HERC1: variants seen among roughly 807,000 people sequenced by gnomAD.
The protein encoded by HERC1 is HECT and RLD domain containing E3 ubiquitin protein ligase family member 1.
Under a neutral mutation model 554.3 loss-of-function variants are expected in HERC1, and 160 were observed. The observed-to-expected ratio is 0.29, with a 90% confidence interval of 0.25 to 0.33. The LOEUF (loss-of-function observed/expected upper bound fraction) is 0.33. Ranked by LOEUF, HERC1 falls within the 10% of genes least tolerant of loss-of-function variation. The probability of loss-of-function intolerance (pLI) is 1.00; values close to 1 mark genes in which losing one functional copy is unlikely to be tolerated. For synonymous variants in HERC1, 2,175 were observed against 2,131.7 expected, an observed-to-expected ratio of 1.02 and a Z score of -0.56; for missense variants, 4,919 against 5,918.5, an observed-to-expected ratio of 0.83 and a Z score of 5.54.
chr15:63,784,666 G>T (rs183259646), intron 1 of HERC1, among the ~76,000 whole-genome samples: 259 of 152,070 alleles, frequency 1.7e-3, no homozygotes, highest in African/African-American at 6.0e-3. Context: ...GGAGTGCAGT[G>T]GCGCAATCTC....
Position 63,663,085 on chromosome 15 carries a change from G to A in HERC1, c.8800C>T (p.Leu2934Phe), listed in dbSNP as rs1456715895. The A allele has an allele frequency of 3.1e-6, 5 of 1,613,780 alleles. No homozygotes were observed. The highest frequency in any genetic ancestry group is 4.2e-6 in the Non-Finnish European group (5 of 1,179,868). The change falls in exon 44 of 78, where the codon CTT becomes TTT. Residue 2934 changes from leucine (L) to phenylalanine (F), a missense_variant. Leu to Phe is a conservative substitution (Grantham distance 22). Coordinates refer to ENST00000443617, the MANE Select transcript of HERC1 (RefSeq NM_003922.4). ...ATAGCTTCCATCGCCTCATCATCAA[G>A]ATCAATTTCCAATTCCTCATCTAAA... ...FNLDEELEID[L>F]DDEAMEAMFG...
intron 15 of HERC1, 48 bp downstream of exon 15, chr15:63,729,449 G>A (rs2074183986): frequency 5.0e-6 from 8 of 1,597,974 alleles, no homozygotes; most frequent in Non-Finnish European, 6.8e-6. Flanking sequence ...AAATATCTGA[G>A]TTTCAAGGTC....
chr15:63,693,881 G>A (rs2072261350), intron 30 of HERC1, 83 bp downstream of exon 30: 1 of 1,353,532 alleles, frequency 7.4e-7, no homozygotes, highest in Non-Finnish European at 1.0e-6. Context: ...TAAGGAAGAG[G>A]AACTCTACAT....
chr15:63,701,617 C>T (rs2072726977), intron 25 of HERC1, among the ~76,000 whole-genome samples: 1 of 152,178 alleles, frequency 6.6e-6, no homozygotes, highest in African/African-American at 2.4e-5. Context: ...TCAGTCTTGG[C>T]CTCCTAGCTG....
At chr15:63,754,404 G>T in intron 7 of HERC1, 101 bp downstream of exon 7, 1 of 740,918 alleles carries the variant, frequency 1.3e-6, no homozygotes. Context: ...CTGCTCATCT[G>T]TATTTGAGTC....
At chr15:63,744,313 G>T (rs923459591) in intron 12 of HERC1, among the ~76,000 whole-genome samples, 1 of 152,104 alleles carries the variant, frequency 6.6e-6, no homozygotes, top group African/African-American at 2.4e-5. Context: ...GCACAGCACT[G>T]GGTCTCACCC....
At chr15:63,700,708 CAAAAA>C (rs11314964) in intron 25 of HERC1, among the ~76,000 whole-genome samples, 18 of 64,580 alleles carry the variant, frequency 2.8e-4, no homozygotes, top group African/African-American at 5.3e-4. Flanking sequence ...GACCCTGCCT[CAAAAA>C]AAAAAAAAAA....
intron 3 of HERC1, among the ~76,000 whole-genome samples, chr15:63,763,643 T>G (rs1382759925): frequency 6.6e-6 from 1 of 151,416 alleles, no homozygotes; most frequent in Non-Finnish European, 1.5e-5. Context: ...GACAGAACTA[T>G]AAAGAAATGC....
At chr15:63,647,481 C>T (rs569342553) in intron 55 of HERC1, among the ~76,000 whole-genome samples, 2 of 152,230 alleles carry the variant, frequency 1.3e-5, no homozygotes, top group African/African-American at 4.8e-5. Flanking sequence ...CCATTTGATC[C>T]AGCAATCCCA....
intron 1 of HERC1, among the ~76,000 whole-genome samples, chr15:63,788,700 T>A (rs953112161): frequency 1.3e-5 from 2 of 151,842 alleles, no homozygotes; most frequent in African/African-American, 4.8e-5. Flanking sequence ...GTGGATCACC[T>A]GAGGTCAGGA....
intron 1 of HERC1, among the ~76,000 whole-genome samples, chr15:63,785,057 T>C (rs2076398217): frequency 6.6e-6 from 1 of 152,088 alleles, no homozygotes; most frequent in Non-Finnish European, 1.5e-5. Context: ...GAAACATATA[T>C]CAAAATCAAG....
At chr15:63,637,307 G>T (rs2068825690) in intron 64 of HERC1, among the ~76,000 whole-genome samples, 198 bp downstream of exon 64, 1 of 152,112 alleles carries the variant, frequency 6.6e-6, no homozygotes, top group Non-Finnish European at 1.5e-5. Context: ...CTGAATTCTA[G>T]CATTGCTATA....
Position 63,632,887 on chromosome 15 carries a change from T to C in HERC1, c.12694-76A>G, listed in dbSNP as rs1371462921. 1.4e-5 allele frequency: 13 copies of C among 943,348 alleles called. No individual in the cohort carries two copies. The East Asian group carries it at 2.6e-4, about 19-fold the overall frequency. 58.4% of individuals were successfully genotyped at this position (943,348 alleles called of 1,614,324 possible). ...TCTTGAATTTGCCTAATGGCATGTA[T>C]CAAGAACTACCTTCCAACAAAAATA... On this transcript the variant is annotated intron_variant, in intron 67 of 77. Coordinates refer to ENST00000443617, the MANE Select transcript of HERC1 (RefSeq NM_003922.4).
intron 54 of HERC1, among the ~76,000 whole-genome samples, chr15:63,648,960 C>T (rs1217777253): frequency 6.6e-6 from 1 of 152,208 alleles, no homozygotes; most frequent in Non-Finnish European, 1.5e-5. Context: ...AAAGGAACAC[C>T]ACAGTAAGAA....
At chr15:63,733,180 G>A (rs764771087) in intron 13 of HERC1, 35 bp from the exon 14 acceptor site, 17 of 1,362,200 alleles carry the variant, frequency 1.2e-5, no homozygotes, top group East Asian at 4.6e-5. Flanking sequence ...AGTAACTAGC[G>A]TAATATGCAC....
chr15:63,720,119 A>C (rs867268896), intron 19 of HERC1, among the ~76,000 whole-genome samples: 1 of 3,192 alleles, frequency 3.1e-4, no homozygotes. Flanking sequence ...TTTTTTTTTT[A>C]AGAGACAGGG....
At chr15:63,707,624 A>G (rs2073078541) in intron 24 of HERC1, among the ~76,000 whole-genome samples, 1 of 152,158 alleles carries the variant, frequency 6.6e-6, no homozygotes, top group African/African-American at 2.4e-5. Flanking sequence ...TGTGTCAAAG[A>G]AGGCCCGGAA....
intron 14 of HERC1, 104 bp downstream of exon 14, chr15:63,732,820 C>T (rs1175493582): frequency 1.3e-6 from 1 of 750,886 alleles, no homozygotes; most frequent in African/African-American, 1.8e-5. Context: ...GGAGAGGGGT[C>T]TAGAGTTTGA....
In HERC1 at chr15:63,633,936, G is replaced by A. The variant is rs1319894109; in HGVS notation, c.12605C>T (p.Ser4202Leu). 17 of 1,613,928 alleles carry A rather than the reference G, an allele frequency of 1.1e-5. No homozygotes were observed. Among genetic ancestry groups the A allele is most frequent in the Non-Finnish European group, 1.4e-5 (17 of 1,179,840 alleles). Residue 4202 changes from serine (S) to leucine (L), a missense_variant, in exon 67 of 78, where the codon TCA (serine) becomes TTA (leucine). Ser to Leu is a moderately radical substitution (Grantham distance 145). Coordinates refer to ENST00000443617, the MANE Select transcript of HERC1 (RefSeq NM_003922.4). Reference protein sequence around the residue: ...ACGLNHTLAVSADGSMVWAFG... With the variant: ...ACGLNHTLAVLADGSMVWAFG... Reference sequence around the variant, plus strand: ...AGCCCACACCATGGAACCATCTGCTGACACTGCCAAAGTGTGGTTTAATCC... The same window carrying A: ...AGCCCACACCATGGAACCATCTGCTAACACTGCCAAAGTGTGGTTTAATCC...
Sources: allele counts gnomAD v4.1 joint callset (sites outside exome capture counted in the v4.1 genomes callset), GRCh38; gene constraint gnomAD v4.1.1; transcripts MANE v1.5; gene names NCBI Gene and HGNC (gene_info 2026-07-23, HGNC 2026-07-21).